VRK2: variants seen among roughly 807,000 people sequenced by gnomAD.
The protein encoded by VRK2 is VRK serine/threonine kinase 2.
In VRK2, 60 loss-of-function variants were observed where a neutral mutation model predicts 57.6. That is an observed-to-expected ratio of 1.04 (90% confidence interval 0.85 to 1.29). VRK2 has a LOEUF of 1.29. Ranked by LOEUF, VRK2 falls within the 50% of genes most tolerant of loss-of-function variation. VRK2 has a pLI of 0.00. For missense variants in VRK2, 705 were observed against 588.1 expected (o/e 1.20, Z -2.06); for synonymous variants, 231 against 199.2 (o/e 1.16, Z -1.35).
At chr2:57,946,672 TCAAA>T (rs1301983680) in intron 1 of VRK2, among the ~76,000 whole-genome samples, 3 of 152,140 alleles carry the variant, frequency 2.0e-5, no homozygotes, top group African/African-American at 4.8e-5. Flanking sequence ...CAAGAAGACA[TCAAA>T]CAATTAAAAT....
At chr2:58,040,147 T>A (rs918890986) in intron 3 of VRK2, among the ~76,000 whole-genome samples, 2 of 152,068 alleles carry the variant, frequency 1.3e-5, no homozygotes, top group Admixed American at 6.6e-5. Flanking sequence ...GATAAGCATG[T>A]ATTTTATAAT....
intron 1 of VRK2, among the ~76,000 whole-genome samples, chr2:57,934,086 A>G (rs2678886): frequency 0.68 from 102,919 of 152,094 alleles, 35,778 homozygotes; most frequent in African/African-American, 0.86. Context: ...TTTTTATATC[A>G]TGTATCTGTT....
At chr2:58,137,910 A>G (rs1464405006) in intron 10 of VRK2, among the ~76,000 whole-genome samples, 1 of 152,086 alleles carries the variant, frequency 6.6e-6, no homozygotes, top group Admixed American at 6.5e-5. Flanking sequence ...TTACATCACA[A>G]TATCTACGCT....
At chr2:57,964,356 G>C (rs933347125) in intron 1 of VRK2, among the ~76,000 whole-genome samples, 1 of 152,070 alleles carries the variant, frequency 6.6e-6, no homozygotes, top group Non-Finnish European at 1.5e-5. Flanking sequence ...CATCATAAAG[G>C]TCTTCATCCT....
chr2:58,046,781 G>A (rs555898914), upstream of VRK2: 2 of 985,538 alleles, frequency 2.0e-6, no homozygotes, highest in East Asian at 2.3e-4. Context: ...GCCTCCCCGC[G>A]GGACTGTAGG....
intron 1 of VRK2, among the ~76,000 whole-genome samples, chr2:57,922,454 T>TTGTGTGTGTGTGTG (rs59731064): frequency 1.4e-5 from 2 of 146,958 alleles, no homozygotes; most frequent in Non-Finnish European, 3.0e-5. Flanking sequence ...AGTTACCTTC[T>TTGTGTGTGTGTGTG]TGTGTGTGTG....
chr2:57,929,237 T>C (rs1415573804), intron 1 of VRK2, among the ~76,000 whole-genome samples: 1 of 152,228 alleles, frequency 6.6e-6, no homozygotes, highest in Non-Finnish European at 1.5e-5. Flanking sequence ...TGGTGCCTTA[T>C]TCTACTGTGG....
At chr2:58,086,538 A>T in intron 5 of VRK2, 112 bp downstream of exon 5, 1 of 872,412 alleles carries the variant, frequency 1.1e-6, no homozygotes, top group Non-Finnish European at 1.7e-6. Context: ...ATATAACCAC[A>T]AACTTGTATT....
intron 2 of VRK2, 97 bp from the exon 3 acceptor site, chr2:58,083,992 C>G (rs1671264735): frequency 7.8e-7 from 1 of 1,289,294 alleles, no homozygotes; most frequent in African/African-American, 1.5e-5. Flanking sequence ...AATAAACTTA[C>G]ATATGTAAAA....
At chr2:58,115,873 G>A (rs1233991052) in intron 7 of VRK2, among the ~76,000 whole-genome samples, 2 of 152,134 alleles carry the variant, frequency 1.3e-5, no homozygotes, top group African/African-American at 2.4e-5. Flanking sequence ...TGGGATGAAG[G>A]GTGCAAAGGA....
chr2:58,054,709 A>G (rs1676258192), intron 2 of VRK2, among the ~76,000 whole-genome samples: 1 of 152,014 alleles, frequency 6.6e-6, no homozygotes, highest in African/African-American at 2.4e-5. Context: ...TGGATGATGA[A>G]AATTTCTTCA....
intron 7 of VRK2, among the ~76,000 whole-genome samples, chr2:58,116,740 G>A (rs926045413): frequency 5.9e-5 from 9 of 152,290 alleles, no homozygotes; most frequent in Non-Finnish European, 8.8e-5. Flanking sequence ...GAGTTCCAGG[G>A]GCTCTGGGAG....
intron 11 of VRK2, among the ~76,000 whole-genome samples, chr2:58,140,535 A>G (rs2104613046): frequency 6.6e-6 from 1 of 152,042 alleles, no homozygotes; most frequent in South Asian, 2.1e-4. Context: ...TTTTTTCCTG[A>G]TGCATGTACA....
At chr2:58,122,126 G>A (rs1228651444) in intron 7 of VRK2, among the ~76,000 whole-genome samples, 4 of 152,190 alleles carry the variant, frequency 2.6e-5, no homozygotes, top group African/African-American at 7.2e-5. Context: ...CTGCATTGAT[G>A]TTCCATTCAT....
chr2:57,933,663 G>GTT lies in VRK2; in HGVS notation c.-439+25833_-439+25834dup, dbSNP rs34738965. 5.6e-3 allele frequency among the ~76,000 whole-genome samples: 840 copies of GTT among 148,924 alleles called. 11 individuals are homozygous for GTT. The highest frequency in any genetic ancestry group is 0.019 in the African/African-American group (777 of 40,674). ...TAGCCTGTAGTTGAGTTTTTGGGTT[G>GTT]TTTTTTTTTTCTTATCCATCCAGCC... On this transcript the variant is annotated intron_variant, in intron 1 of 15. Coordinates refer to the VRK2 transcript ENST00000417641.
Position 58,099,965 on chromosome 2 carries a change from G to A in VRK2, c.543+10242G>A, listed in dbSNP as rs1041058488. 2.6e-5 allele frequency among the ~76,000 whole-genome samples: 4 copies of A among 152,032 alleles called. No individual in the cohort carries two copies. The South Asian group carries it at 8.3e-4, about 31-fold the overall frequency. ...CTTAAAGCTCATTGCAGAAGGTAAT[G>A]TTTCTTATAGTGTTTCCAAAGTGTC... On this transcript the variant is annotated intron_variant, in intron 7 of 12. Transcript: ENST00000340157.
Position 58,019,872 on chromosome 2 carries a change from C to T in VRK2, c.-438-5793C>T, listed in dbSNP as rs147291589. On this transcript the variant is annotated intron_variant, in intron 1 of 15. Coordinates refer to the VRK2 transcript ENST00000417641. Reference sequence around the variant, plus strand: ...AACTATAAACTTTCAACTTTTCAAACAATTCAAACTTTTTAGAAGGCGAAT... The same window carrying T: ...AACTATAAACTTTCAACTTTTCAAATAATTCAAACTTTTTAGAAGGCGAAT... Among the ~76,000 whole-genome samples, 48 of 152,182 alleles carry T rather than the reference C, an allele frequency of 3.2e-4. 1 individual carries two copies. In the East Asian group the frequency reaches 9.1e-3, roughly 29 times the overall value.
intron 1 of VRK2, among the ~76,000 whole-genome samples, chr2:57,947,966 G>A (rs1671311887): frequency 6.6e-6 from 1 of 151,954 alleles, no homozygotes; most frequent in Non-Finnish European, 1.5e-5. Context: ...GAGCCTCTAA[G>A]TACTCTCTCC....
chr2:58,083,815 G>T (rs555181710), intron 2 of VRK2, among the ~76,000 whole-genome samples: 70 of 151,670 alleles, frequency 4.6e-4, no homozygotes, highest in Non-Finnish European at 8.9e-4. Flanking sequence ...TTTAAATATG[G>T]TTTATGATCA....
Sources: allele counts gnomAD v4.1 joint callset (sites outside exome capture counted in the v4.1 genomes callset), GRCh38; gene constraint gnomAD v4.1.1; transcripts MANE v1.5; gene names NCBI Gene and HGNC (gene_info 2026-07-23, HGNC 2026-07-21).